ZDHHC11B: variants seen among roughly 807,000 people sequenced by gnomAD.
The protein encoded by ZDHHC11B is zDHHC palmitoyltransferase 11B (putative).
ZDHHC11B carries 17 observed loss-of-function variants against 42.3 expected under a neutral mutation model. That is an observed-to-expected ratio of 0.40 (90% CI 0.27 to 0.60). The LOEUF (loss-of-function observed/expected upper bound fraction) is 0.60. Among genes scored for constraint, ZDHHC11B ranks in the 20% least tolerant of loss-of-function variants. ZDHHC11B has a pLI of 0.41. For synonymous variants in ZDHHC11B, 123 were observed against 193.5 expected (o/e 0.64, Z 3.02); for missense variants, 262 against 463.2 (o/e 0.57, Z 3.99).
chr5:771,275 C>A (rs1437636064), intron 1 of ZDHHC11B, among the ~76,000 whole-genome samples: 1 of 151,692 alleles, frequency 6.6e-6, no homozygotes, highest in African/African-American at 2.4e-5. Flanking sequence ...ACTTGAGATC[C>A]CACAAATTCC....
At chr5:715,920 A>C (rs1363378099) in intron 13 of ZDHHC11B, among the ~76,000 whole-genome samples, 1 of 151,190 alleles carries the variant, frequency 6.6e-6, no homozygotes, top group East Asian at 1.9e-4. Flanking sequence ...AGGGCTTTTG[A>C]TGTTTTGCCC....
chr5:732,527 A>T (rs1185169290), intron 11 of ZDHHC11B: 2 of 383,092 alleles, frequency 5.2e-6, no homozygotes, highest in South Asian at 4.0e-5. Flanking sequence ...AGTGTCTCCA[A>T]ATCTTTGCTG....
intron 1 of ZDHHC11B, among the ~76,000 whole-genome samples, chr5:776,424 C>T (rs1197650703): frequency 4.6e-5 from 7 of 151,840 alleles, no homozygotes; most frequent in African/African-American, 9.7e-5. Context: ...CCAGTAAATC[C>T]GAAGCACAGG....
At chr5:757,815 C>T (rs553491981) in intron 4 of ZDHHC11B, among the ~76,000 whole-genome samples, 23 of 151,922 alleles carry the variant, frequency 1.5e-4, no homozygotes, top group Admixed American at 3.9e-4. Flanking sequence ...GGAGCTGCTG[C>T]CCAGGCCGGG....
intron 12 of ZDHHC11B, among the ~76,000 whole-genome samples, chr5:721,161 A>C (rs1403125510): frequency 6.6e-6 from 1 of 151,494 alleles, no homozygotes; most frequent in African/African-American, 2.4e-5. Flanking sequence ...GACATTAATT[A>C]TTATCCCCAG....
At position 751,612 on chromosome 5, in the gene ZDHHC11B, C is replaced by T. The variant is rs144607429; in HGVS notation, c.504-355G>A. On this transcript the variant is annotated intron_variant, in intron 6 of 13. Transcript: ENST00000508859. Reference sequence around the variant, plus strand: ...GGACGCGCAGGGCATCTGGAGCCCGCAGGGTGGAGGTGACAGGTCAGCGTG... The same window carrying T: ...GGACGCGCAGGGCATCTGGAGCCCGTAGGGTGGAGGTGACAGGTCAGCGTG... Among the ~76,000 whole-genome samples, 1,041 of 124,060 alleles carry T rather than the reference C, an allele frequency of 8.4e-3. 99 individuals are homozygous for T. Among genetic ancestry groups the T allele is most frequent in the African/African-American group, 0.025 (955 of 38,012 alleles). The allele number at this position is 124,060 out of a possible 152,430, so 81.4% of individuals were successfully genotyped here. A position where few individuals can be genotyped will look rare whatever the true frequency, so the allele number is the denominator to read the frequency against.
chr5:718,473 A>C (rs1162991145), intron 12 of ZDHHC11B, among the ~76,000 whole-genome samples: 1 of 151,710 alleles, frequency 6.6e-6, no homozygotes, highest in East Asian at 1.9e-4. Flanking sequence ...GGAGATCGAG[A>C]ACATCCTGGC....
intron 4 of ZDHHC11B, among the ~76,000 whole-genome samples, chr5:756,484 G>GA (rs1392565499): frequency 4.0e-5 from 6 of 151,750 alleles, no homozygotes; most frequent in Non-Finnish European, 7.4e-5. Context: ...CGGGGACCGG[G>GA]AAGGCTGCCC....
intron 12 of ZDHHC11B, among the ~76,000 whole-genome samples, chr5:721,925 G>A (rs1344520160): frequency 6.6e-6 from 1 of 151,738 alleles, no homozygotes; most frequent in Admixed American, 6.6e-5. Context: ...TCAAATATGT[G>A]CATAAATGGA....
intron 10 of ZDHHC11B, among the ~76,000 whole-genome samples, 187 bp downstream of exon 10, chr5:741,394 AGTAAGACAAGCAC>A (rs1172052209): frequency 2.0e-5 from 3 of 148,106 alleles, no homozygotes; most frequent in Admixed American, 1.4e-4. Context: ...AGTTTCTGCA[AGTAAGACAAGCAC>A]ATCGAGATAG....
rs1285684584 is a variant in ZDHHC11B, at chr5:743,714, T to A, written c.900+1469A>T. ...AGTTTTCATTGCTGGTGGATCGAGATGTGCGAGTGTGTATTTTAATATGTG... is the reference window on the plus strand; with the variant it reads ...AGTTTTCATTGCTGGTGGATCGAGAAGTGCGAGTGTGTATTTTAATATGTG... On this transcript the variant is annotated intron_variant, in intron 9 of 13. Coordinates refer to ENST00000508859, the MANE Select transcript of ZDHHC11B (RefSeq NM_001351303.2). Among the ~76,000 whole-genome samples, 2 of 149,960 alleles carry A rather than the reference T, an allele frequency of 1.3e-5. 1 individual carries two copies.
chr5:718,740 C>T (rs1741965690), intron 12 of ZDHHC11B, among the ~76,000 whole-genome samples: 1 of 151,144 alleles, frequency 6.6e-6, no homozygotes, highest in African/African-American at 2.4e-5. Context: ...GGAGAAGCTG[C>T]TGGTCTTTCG....
chr5:774,409 A>AG (rs1420460438), intron 1 of ZDHHC11B, among the ~76,000 whole-genome samples: 1 of 152,204 alleles, frequency 6.6e-6, no homozygotes, highest in Admixed American at 6.5e-5. Flanking sequence ...CACTAGGAAC[A>AG]GGGGTCTCGC....
At chr5:747,772 G>C (rs530341517) in intron 8 of ZDHHC11B, 106 of 180,276 alleles carry the variant, frequency 5.9e-4, no homozygotes, top group African/African-American at 2.3e-3. Flanking sequence ...CCACTGCCCA[G>C]AGAATGGAAG....
rs7711392 is a variant in ZDHHC11B at position 754,220 on chromosome 5, C to T, written c.503+778G>A. On this transcript the variant is annotated intron_variant, in intron 6 of 13. Transcript: ENST00000508859. ...GCCTCCACCATGCTCAGGGGAAACA[C>T]GTCTCATCTATGAGCCTCCACCGTG... Among the ~76,000 whole-genome samples the T allele has an allele frequency of 4.9e-3, 199 of 40,694 alleles. 5 individuals are homozygous for T. Among genetic ancestry groups the T allele is most frequent in the Middle Eastern group, 0.026 (2 of 76 alleles). The allele number at this position is 40,694 out of a possible 152,430, so 26.7% of individuals were successfully genotyped here.
intron 11 of ZDHHC11B, among the ~76,000 whole-genome samples, chr5:733,251 A>G (rs1485236927): frequency 2.7e-5 from 4 of 150,506 alleles, no homozygotes; most frequent in African/African-American, 9.8e-5. Context: ...CACACACATA[A>G]CCACACCCCC....
intron 12 of ZDHHC11B, among the ~76,000 whole-genome samples, chr5:725,000 C>G (rs867801443): frequency 8.0e-5 from 12 of 149,204 alleles, no homozygotes; most frequent in Middle Eastern, 3.4e-3. Context: ...CCTTCAGGAC[C>G]CTTCCTGTAG....
intron 12 of ZDHHC11B, among the ~76,000 whole-genome samples, chr5:717,484 C>T (rs6871914): frequency 0.5 from 74,655 of 149,778 alleles, 14,853 homozygotes; most frequent in African/African-American, 0.56. Flanking sequence ...ACCAGAAACG[C>T]GCAAAATTTT....
intron 1 of ZDHHC11B, among the ~76,000 whole-genome samples, chr5:773,996 G>A (rs1736262296): frequency 6.6e-6 from 1 of 151,920 alleles, no homozygotes; most frequent in African/African-American, 2.4e-5. Context: ...GCAGGCAAAG[G>A]CAGACCCCAG....
Sources: allele counts gnomAD v4.1 joint callset (sites outside exome capture counted in the v4.1 genomes callset), GRCh38; gene constraint gnomAD v4.1.1; transcripts MANE v1.5; gene names NCBI Gene and HGNC (gene_info 2026-07-23, HGNC 2026-07-21).